The following CAPN7 variants were observed in gnomAD, a reference collection of about 807,000 sequenced individuals.
CAPN7 encodes calpain-7.
A neutral mutation model predicts 115.2 loss-of-function variants in CAPN7; 72 were observed. The observed-to-expected ratio is 0.63, with a 90% CI of 0.52 to 0.76. CAPN7 has a LOEUF of 0.76. Ranked by LOEUF, CAPN7 falls within the 30% of genes least tolerant of loss-of-function variation. The pLI is 0.00. For synonymous variants in CAPN7, 344 were observed against 322.3 expected (o/e 1.07, Z -0.72); for missense variants, 905 against 971.5 (o/e 0.93, Z 0.91).
chr3:15,234,873 C>T lies in CAPN7; in HGVS notation c.1287-152C>T, dbSNP rs1694896197. 6.3e-6 allele frequency: 3 copies of T among 479,058 alleles called. No individual in the cohort carries two copies. The South Asian group carries it at 1.6e-4, about 26-fold the overall frequency. 29.7% of individuals were successfully genotyped at this position (479,058 alleles called of 1,614,324 possible). A position where few individuals can be genotyped will look rare whatever the true frequency, so the allele number is the denominator to read the frequency against. On this transcript the variant is annotated intron_variant, in intron 11 of 20. Coordinates refer to ENST00000253693, the MANE Select transcript of CAPN7 (RefSeq NM_014296.3). ...GAAATGTGATAATTTATTTTATATA[C>T]TGTGCATTAGAAATGTACTTCTTTT...
chr3:15,240,352 T>C (rs1695267611), intron 12 of CAPN7, 121 bp from the exon 13 acceptor site: 1 of 916,336 alleles, frequency 1.1e-6, no homozygotes, highest in Non-Finnish European at 1.7e-6. Flanking sequence ...AAAATATTAA[T>C]TTCAAGTTGA....
chr3:15,234,837 T>G (rs528733167), intron 11 of CAPN7, among the ~76,000 whole-genome samples, 188 bp from the exon 12 acceptor site: 2 of 144,500 alleles, frequency 1.4e-5, no homozygotes, highest in East Asian at 3.9e-4. Context: ...TGCCAGAAAC[T>G]TAAAAAAAGA....
intron 1 of CAPN7, 122 bp from the exon 2 acceptor site, chr3:15,211,982 A>G (rs951543315): frequency 1.2e-5 from 6 of 488,300 alleles, no homozygotes; most frequent in African/African-American, 1.2e-4. Flanking sequence ...ATTACTATTA[A>G]TAATAATTTA....
chr3:15,227,897 G>A lies in CAPN7; in HGVS notation c.784G>A (p.Val262Ile), dbSNP rs1694422415. 5.2e-6 allele frequency: 8 copies of A among 1,551,676 alleles called. No homozygotes were observed. Among genetic ancestry groups the A allele is most frequent in the Middle Eastern group, 1.7e-4 (1 of 5,910 alleles). Residue 262 changes from valine (V) to isoleucine (I), a missense_variant, in exon 7 of 21, where the codon GTA becomes ATA. By Grantham distance (29) the Val-to-Ile change is conservative. This residue lies in a region of CAPN7 where 620 missense variants were observed against 703.4 expected (regional missense o/e 0.88). Transcript: ENST00000253693. ...PKQKTTFSKWVRPEDLTNNPT... is the reference protein window; with the variant it reads ...PKQKTTFSKWIRPEDLTNNPT... ...ACAAAAAACTACATTTTCCAAGTGG[G>A]TACGACCAGAAGACCTCACCAACAA...
chr3:15,206,821 A>G (rs1448949057), intron 1 of CAPN7, among the ~76,000 whole-genome samples: 2 of 152,224 alleles, frequency 1.3e-5, no homozygotes, highest in African/African-American at 4.8e-5. Flanking sequence ...CCGCTCCTCC[A>G]CCTGTAGTCC....
chr3:15,211,660 C>T (rs529993556), intron 1 of CAPN7, among the ~76,000 whole-genome samples: 5 of 152,028 alleles, frequency 3.3e-5, no homozygotes, highest in African/African-American at 7.2e-5. Flanking sequence ...TTTGGGAGGC[C>T]GAGGTGGGCA....
At position 15,212,137 on chromosome 3, in the gene CAPN7, G is replaced by T; in HGVS notation, c.136G>T (p.Ala46Ser). 6 of 1,610,244 alleles carry T rather than the reference G, an allele frequency of 3.7e-6. No individual in the cohort carries two copies. The highest frequency in any genetic ancestry group is 4.2e-6 in the Non-Finnish European group (5 of 1,177,888). ...ACAAGCCTTAATTTATGCTGAGATG[G>T]CAGGATCAAGCCTAGAAAATATTCA... is the stretch of plus-strand genomic sequence containing the variant. ...AAQALIYAEM[A>S]GSSLENIQEK... The change falls in exon 2 of 21, where the codon GCA becomes TCA. Residue 46 changes from alanine to serine, a missense_variant. Ala to Ser is a moderately conservative substitution (Grantham distance 99). Coordinates refer to ENST00000253693, the MANE Select transcript of CAPN7 (RefSeq NM_014296.3).
At chr3:15,217,910 C>T (rs1437017968) in intron 3 of CAPN7, among the ~76,000 whole-genome samples, 1 of 152,166 alleles carries the variant, frequency 6.6e-6, no homozygotes, top group Non-Finnish European at 1.5e-5. Flanking sequence ...GTTTCGTGCA[C>T]TAAAAAATAA....
chr3:15,212,076 G>A (rs991739983), intron 1 of CAPN7, 28 bp from the exon 2 acceptor site: 3 of 1,432,580 alleles, frequency 2.1e-6, no homozygotes, highest in Non-Finnish European at 2.9e-6. Context: ...TACATCTATT[G>A]GATTCCTTTG....
At chr3:15,227,227 A>G (rs1217213749) in intron 6 of CAPN7, among the ~76,000 whole-genome samples, 1 of 152,196 alleles carries the variant, frequency 6.6e-6, no homozygotes, top group African/African-American at 2.4e-5. Context: ...ATGGATAAGA[A>G]TGGTGGATTT....
At chr3:15,231,447 T>C (rs1694681416) in intron 9 of CAPN7, among the ~76,000 whole-genome samples, 1 of 152,188 alleles carries the variant, frequency 6.6e-6, no homozygotes, top group Admixed American at 6.5e-5. Context: ...ATTCTTGACC[T>C]CTTGTTTAAA....
intron 11 of CAPN7, among the ~76,000 whole-genome samples, chr3:15,234,637 A>G (rs1303865286): frequency 1.3e-5 from 2 of 152,206 alleles, no homozygotes; most frequent in Non-Finnish European, 2.9e-5. Context: ...CATTTAAGGG[A>G]CTGGAAGTTT....
chr3:15,227,516 C>T (rs1694390663), intron 6 of CAPN7, among the ~76,000 whole-genome samples: 1 of 152,136 alleles, frequency 6.6e-6, no homozygotes, highest in South Asian at 2.1e-4. Context: ...AATGAATCAG[C>T]TTGTACTATT....
chr3:15,217,105 G>A lies in CAPN7; in HGVS notation c.212-320G>A, dbSNP rs112316605. ...AAAAAAAAGAGAGAAAAATTAGCCA[G>A]GCATGGTGGTACACTCCTGTAGTCC... On this transcript the variant is annotated intron_variant, in intron 2 of 20. Coordinates refer to ENST00000253693, the MANE Select transcript of CAPN7 (RefSeq NM_014296.3). Among the ~76,000 whole-genome samples, 1,126 of 151,984 alleles carry A rather than the reference G, an allele frequency of 7.4e-3. 21 individuals carry two copies. Among genetic ancestry groups the A allele is most frequent in the African/African-American group, 0.026 (1,080 of 41,452 alleles).
chr3:15,229,259 ATATG>A (rs1200165353), intron 8 of CAPN7, among the ~76,000 whole-genome samples, 200 bp downstream of exon 8: 5 of 152,228 alleles, frequency 3.3e-5, no homozygotes, highest in African/African-American at 1.2e-4. Context: ...TAGTTAATAT[ATATG>A]AAATTAATGT....
At chr3:15,232,132 T>C in intron 9 of CAPN7, 1 of 404,790 alleles carries the variant, frequency 2.5e-6, no homozygotes, top group Non-Finnish European at 4.8e-6. Flanking sequence ...GTTGAACATC[T>C]CTAATCTGAA....
rs781630665 is a variant in CAPN7 at position 15,232,502 on chromosome 3, A to G, written c.1033-17A>G. The G allele has an allele frequency of 1.1e-5, 18 of 1,589,418 alleles. No individual in the cohort carries two copies. Among genetic ancestry groups the G allele is most frequent in the Non-Finnish European group, 1.5e-5 (17 of 1,170,362 alleles). ...ATATTTTGTGCACCTAAGAAGGTTA[A>G]TGTTCTCTTTCTCCAGGTGATAATT... On this transcript the variant is annotated splice_polypyrimidine_tract_variant and intron_variant, in intron 9 of 20. Coordinates refer to ENST00000253693, the MANE Select transcript of CAPN7 (RefSeq NM_014296.3).
intron 12 of CAPN7, among the ~76,000 whole-genome samples, chr3:15,239,651 AAAG>A (rs1695224266): frequency 1.3e-5 from 2 of 152,196 alleles, no homozygotes; most frequent in Non-Finnish European, 2.9e-5. Context: ...TAATTAAAAG[AAAG>A]AAATTACTAA....
At chr3:15,246,860 T>A (rs990053424) in intron 18 of CAPN7, 66 bp downstream of exon 18, 7 of 1,198,372 alleles carry the variant, frequency 5.8e-6, no homozygotes, top group Non-Finnish European at 7.2e-6. Context: ...CTTTCCCATT[T>A]CTCTCATTTT....
Sources: allele counts gnomAD v4.1 joint callset (sites outside exome capture counted in the v4.1 genomes callset), GRCh38; gene constraint gnomAD v4.1.1; regional missense constraint gnomAD v4.1.1; transcripts MANE v1.5; gene names NCBI Gene and HGNC (gene_info 2026-07-23, HGNC 2026-07-21).